Variants in ARHGEF26 observed in about 807,000 individuals in gnomAD.
The protein encoded by ARHGEF26 is Rho guanine nucleotide exchange factor (GEF) 26.
Under a neutral mutation model 89.4 loss-of-function variants are expected in ARHGEF26, and 59 were observed. That is an observed-to-expected ratio of 0.66 (90% confidence interval 0.54 to 0.82). The LOEUF is 0.82. ARHGEF26 is among the 40% of genes least tolerant of loss of function. The pLI is 0.00. For missense variants in ARHGEF26, 1,234 were observed against 1,085.6 expected, an observed-to-expected ratio of 1.14 and a Z score of -1.92; for synonymous variants, 500 against 428.4, an observed-to-expected ratio of 1.17 and a Z score of -2.06.
chr3:154,148,949 C>T (rs1295100277), intron 4 of ARHGEF26, among the ~76,000 whole-genome samples: 1 of 152,146 alleles, frequency 6.6e-6, no homozygotes, highest in African/African-American at 2.4e-5. Flanking sequence ...GCTAGCCCAA[C>T]CCTTAGAAAT....
intron 6 of ARHGEF26, among the ~76,000 whole-genome samples, chr3:154,166,830 C>G (rs1576726473): frequency 1.3e-5 from 2 of 152,278 alleles, no homozygotes; most frequent in South Asian, 2.1e-4. Context: ...GTGTAAAATT[C>G]AAATACTGCC....
Position 154,152,817 on chromosome 3 carries a change from T to C in ARHGEF26, c.1372T>C (p.Leu458=). Reference sequence around the variant, plus strand: ...CTCTGAACATTCATATTTACTCAGCTTGGAGATCTTGATACGAATGTTTAA... The same window carrying C: ...CTCTGAACATTCATATTTACTCAGCCTGGAGATCTTGATACGAATGTTTAA... The part of the protein sequence containing the change: ...ISSEHSYLLS[L]EILIRMFKNS... Residue 458 remains leucine, a synonymous_variant, in exon 6 of 15, where the codon TTG becomes CTG. Transcript: ENST00000465093. The C allele has an allele frequency of 1.3e-6, 2 of 1,566,468 alleles. No homozygotes were observed. Among genetic ancestry groups the C allele is most frequent in the Non-Finnish European group, 1.7e-6 (2 of 1,154,312 alleles).
chr3:154,242,944 C>G (rs1406313327), intron 12 of ARHGEF26, among the ~76,000 whole-genome samples: 4 of 152,174 alleles, frequency 2.6e-5, no homozygotes. Flanking sequence ...AAGCATGCCC[C>G]TCTGTGTTTG....
chr3:154,228,337 A>G (rs911151168), intron 11 of ARHGEF26, among the ~76,000 whole-genome samples: 1 of 151,088 alleles, frequency 6.6e-6, no homozygotes, highest in Non-Finnish European at 1.5e-5. Flanking sequence ...GGGTTTCTCC[A>G]TGTTTGTCAG....
intron 6 of ARHGEF26, among the ~76,000 whole-genome samples, chr3:154,180,150 T>C (rs942413437): frequency 4.6e-5 from 7 of 152,210 alleles, no homozygotes; most frequent in African/African-American, 1.7e-4. Context: ...AGGACCTCTG[T>C]GATTACTTTA....
At chr3:154,228,136 ATT>A (rs5853687) in intron 11 of ARHGEF26, among the ~76,000 whole-genome samples, 15 of 143,622 alleles carry the variant, frequency 1.0e-4, no homozygotes, top group Admixed American at 2.1e-4. Context: ...GTCTTTGAGA[ATT>A]TTTTTTTTTT....
rs35181733 is a variant in ARHGEF26, at chr3:154,208,763, A to ATTTTTT, written c.1846-9091_1846-9086dup. On this transcript the variant is annotated intron_variant, in intron 9 of 14. Transcript: ENST00000465093. ...GTGCAGTATTCAGTATGCCAATTGC[A>ATTTTTT]TTTTTTTTTTTTTTTTTTTTGAGAT... Among the ~76,000 whole-genome samples the ATTTTTT allele has an allele frequency of 3.7e-5, 4 of 107,368 alleles. 1 individual carries two copies. The highest frequency in any genetic ancestry group is 1.1e-4 in the Admixed American group (1 of 9,236). The allele number at this position is 107,368 out of a possible 152,430, so 70.4% of individuals were successfully genotyped here.
At chr3:154,134,317 A>G (rs982054311) in intron 4 of ARHGEF26, among the ~76,000 whole-genome samples, 1 of 152,130 alleles carries the variant, frequency 6.6e-6, no homozygotes, top group African/African-American at 2.4e-5. Flanking sequence ...AAAGGGTTCA[A>G]TGGGCTTACA....
chr3:154,191,164 T>C, intron 7 of ARHGEF26, 125 bp from the exon 8 acceptor site: 1 of 1,057,552 alleles, frequency 9.5e-7, no homozygotes, highest in Non-Finnish European at 1.3e-6. Flanking sequence ...TTATGATATT[T>C]TCATACAGTT....
At chr3:154,174,432 T>A (rs1293895236) in intron 6 of ARHGEF26, among the ~76,000 whole-genome samples, 1 of 152,214 alleles carries the variant, frequency 6.6e-6, no homozygotes, top group Non-Finnish European at 1.5e-5. Context: ...ATTAGCTTGA[T>A]ACAATGGCTG....
chr3:154,141,362 G>A (rs988609278), intron 4 of ARHGEF26, among the ~76,000 whole-genome samples: 40 of 152,254 alleles, frequency 2.6e-4, no homozygotes, highest in African/African-American at 9.1e-4. Flanking sequence ...AATTATATTG[G>A]CTCAGCTACT....
chr3:154,240,849 T>C (rs2108284196), intron 12 of ARHGEF26, among the ~76,000 whole-genome samples: 1 of 152,306 alleles, frequency 6.6e-6, no homozygotes, highest in Non-Finnish European at 1.5e-5. Context: ...TATAGAGTGG[T>C]TTAAAAATCA....
At chr3:154,217,162 G>A (rs1407765643) in intron 9 of ARHGEF26, among the ~76,000 whole-genome samples, 1 of 150,760 alleles carries the variant, frequency 6.6e-6, no homozygotes, top group African/African-American at 2.4e-5. Flanking sequence ...CAGTGTAAAA[G>A]TGTTCCTATT....
chr3:154,192,737 A>G (rs146117064), intron 8 of ARHGEF26, among the ~76,000 whole-genome samples: 2 of 152,338 alleles, frequency 1.3e-5, no homozygotes, highest in African/African-American at 4.8e-5. Flanking sequence ...TTTTTTAAGC[A>G]AGAAGTGAAT....
chr3:154,180,869 A>G (rs1266126718), intron 6 of ARHGEF26, among the ~76,000 whole-genome samples: 1 of 151,998 alleles, frequency 6.6e-6, no homozygotes, highest in Non-Finnish European at 1.5e-5. Flanking sequence ...CAACTGTCCT[A>G]TATTTGTGTC....
At chr3:154,147,446 A>G (rs1719769897) in intron 4 of ARHGEF26, among the ~76,000 whole-genome samples, 1 of 152,196 alleles carries the variant, frequency 6.6e-6, no homozygotes, top group African/African-American at 2.4e-5. Context: ...AGCCTGTACA[A>G]TTTTAATTTC....
chr3:154,255,241 G>A, intron 14 of ARHGEF26, 90 bp from the exon 15 acceptor site: 1 of 1,360,030 alleles, frequency 7.4e-7, no homozygotes. Flanking sequence ...AGCCTGGGGA[G>A]GGATGCTGCC....
At chr3:154,237,538 T>TCTCACACACACACACACACA (rs1553751364) in intron 11 of ARHGEF26, among the ~76,000 whole-genome samples, 1 of 143,202 alleles carries the variant, frequency 7.0e-6, no homozygotes, top group African/African-American at 2.6e-5. Flanking sequence ...TGAGACTCCG[T>TCTCACACACACACACACACA]CACACACACA....
At chr3:154,179,571 T>G (rs1713057329) in intron 6 of ARHGEF26, among the ~76,000 whole-genome samples, 1 of 152,186 alleles carries the variant, frequency 6.6e-6, no homozygotes, top group South Asian at 2.1e-4. Context: ...CAGAGACTTT[T>G]GTTGGAATTG....
Sources: gnomAD v4.1 joint callset for allele counts (sites outside exome capture counted in the v4.1 genomes callset) on GRCh38, gnomAD v4.1.1 for gene constraint, MANE v1.5 for transcripts, NCBI Gene and HGNC (gene_info 2026-07-23, HGNC 2026-07-21) for gene names.